RHEX: variants seen among roughly 807,000 people sequenced by gnomAD.
The protein encoded by RHEX is regulator of hemoglobinization and erythroid cell expansion protein.
In RHEX, 18 loss-of-function variants were observed where a neutral mutation model predicts 20.1. The ratio of observed to expected loss-of-function variants is 0.90; its 90% CI spans 0.62 to 1.33. The LOEUF is 1.33. Ranked by LOEUF, RHEX falls within the 40% of genes most tolerant of loss-of-function variation. The pLI, the probability that RHEX is intolerant of heterozygous loss-of-function variation, is 0.00. For synonymous variants in RHEX, 87 were observed against 77.1 expected (o/e 1.13, Z -0.67); for missense variants, 192 against 214.3 (o/e 0.90, Z 0.65).
intron 1 of RHEX, among the ~76,000 whole-genome samples, chr1:206,092,848 T>G (rs1324842403): frequency 6.6e-6 from 1 of 152,202 alleles, no homozygotes; most frequent in East Asian, 1.9e-4. Flanking sequence ...TGGAGGAGGC[T>G]GAATGTTACA....
intron 1 of RHEX, among the ~76,000 whole-genome samples, chr1:206,087,182 C>T (rs75547741): frequency 1.2e-4 from 19 of 152,322 alleles, no homozygotes; most frequent in South Asian, 4.1e-4. Flanking sequence ...CTTGTGTGGT[C>T]GCTTTGCAGT....
At chr1:206,094,611 T>C (rs1411105762) in intron 1 of RHEX, among the ~76,000 whole-genome samples, 1 of 152,234 alleles carries the variant, frequency 6.6e-6, no homozygotes, top group Non-Finnish European at 1.5e-5. Flanking sequence ...ACTGAGACAC[T>C]GAATTCAATA....
chr1:206,073,934 G>A (rs901005925), intron 1 of RHEX, among the ~76,000 whole-genome samples: 1 of 152,124 alleles, frequency 6.6e-6, no homozygotes, highest in Non-Finnish European at 1.5e-5. Context: ...CTATCTGTCG[G>A]TTAAATCCAG....
chr1:206,087,007 T>C (rs991704468), intron 1 of RHEX, among the ~76,000 whole-genome samples: 1 of 152,088 alleles, frequency 6.6e-6, no homozygotes, highest in East Asian at 1.9e-4. Flanking sequence ...AGACCCTGTC[T>C]AAAGAAAAGA....
At chr1:206,072,469 G>A (rs183445580) in intron 1 of RHEX, among the ~76,000 whole-genome samples, 3 of 152,174 alleles carry the variant, frequency 2.0e-5, no homozygotes, top group Admixed American at 6.5e-5. Flanking sequence ...CTAGCTACTC[G>A]GGAGGCTGAG....
At chr1:206,065,093 G>C (rs541793285) in intron 1 of RHEX, among the ~76,000 whole-genome samples, 1 of 152,124 alleles carries the variant, frequency 6.6e-6, no homozygotes, top group African/African-American at 2.4e-5. Flanking sequence ...CTCATTAAGA[G>C]TCATCACCAC....
chr1:206,059,824 C>G (rs1553283127), intron 1 of RHEX, among the ~76,000 whole-genome samples: 3 of 152,240 alleles, frequency 2.0e-5, no homozygotes, highest in South Asian at 4.2e-4. Context: ...AAATTCTTTC[C>G]TGGTGTGAAT....
chr1:206,102,242 A>T lies in RHEX; in HGVS notation c.*290A>T. On this transcript the variant is annotated 3_prime_UTR_variant, in exon 6 of 6. Coordinates refer to ENST00000331555, the MANE Select transcript of RHEX (RefSeq NM_001007544.4). ...AGGTTGAGATCAGATGTTAGGAAGA[A>T]CTTTCAGGTAAAGTATGAGAACTAT... 2.3e-6 allele frequency: 1 copy of T among 433,204 alleles called. No homozygotes were observed. The highest frequency in any genetic ancestry group is 4.2e-6 in the Non-Finnish European group (1 of 237,872). The allele number at this position is 433,204 out of a possible 1,614,324, so 26.8% of individuals were successfully genotyped here.
chr1:206,072,840 T>TTC (rs1553284813), intron 1 of RHEX, among the ~76,000 whole-genome samples: 1 of 149,676 alleles, frequency 6.7e-6, no homozygotes, highest in South Asian at 2.1e-4. Flanking sequence ...TTTTTTTTTT[T>TTC]TTTTTTTTTG....
intron 1 of RHEX, among the ~76,000 whole-genome samples, chr1:206,080,559 G>C (rs1553285736): frequency 6.6e-6 from 1 of 152,166 alleles, no homozygotes; most frequent in Non-Finnish European, 1.5e-5. Flanking sequence ...TCGATCAGAG[G>C]TTCCTTTTCC....
chr1:206,098,302 C>T, intron 3 of RHEX, 121 bp downstream of exon 3: 2 of 692,350 alleles, frequency 2.9e-6, no homozygotes, highest in Non-Finnish European at 5.1e-6. Context: ...AGAGGACCCA[C>T]CGGCCAAATT....
intron 1 of RHEX, among the ~76,000 whole-genome samples, chr1:206,076,380 G>A (rs904984504): frequency 2.0e-5 from 3 of 152,116 alleles, no homozygotes; most frequent in Non-Finnish European, 4.4e-5. Flanking sequence ...TGCCCAGGCT[G>A]GTCTCAAACT....
intron 1 of RHEX, among the ~76,000 whole-genome samples, chr1:206,092,278 A>G (rs900383021): frequency 6.6e-6 from 1 of 152,202 alleles, no homozygotes; most frequent in African/African-American, 2.4e-5. Context: ...GCTTAGTACT[A>G]TGTGCCAAAA....
intron 1 of RHEX, among the ~76,000 whole-genome samples, chr1:206,062,735 G>GTGCCA (rs1662331112): frequency 6.6e-6 from 1 of 152,198 alleles, no homozygotes; most frequent in Non-Finnish European, 1.5e-5. Context: ...CGGGGGAGGA[G>GTGCCA]TGCCAAGCGG....
At chr1:206,069,207 G>A (rs1662484795) in intron 1 of RHEX, among the ~76,000 whole-genome samples, 1 of 152,226 alleles carries the variant, frequency 6.6e-6, no homozygotes, top group Admixed American at 6.5e-5. Flanking sequence ...TGTCACACCT[G>A]GGTGGGGAAC....
intron 4 of RHEX, 83 bp downstream of exon 4, chr1:206,099,881 C>G: frequency 7.4e-7 from 1 of 1,342,428 alleles, no homozygotes; most frequent in Admixed American, 1.8e-5. Flanking sequence ...GCAGCAACCC[C>G]ATGGGCCCAA....
intron 1 of RHEX, among the ~76,000 whole-genome samples, chr1:206,075,489 C>CTT: frequency 6.6e-6 from 1 of 152,178 alleles, no homozygotes; most frequent in South Asian, 2.1e-4. Flanking sequence ...AGTAAAGATA[C>CTT]AGCATTAAAT....
intron 1 of RHEX, among the ~76,000 whole-genome samples, chr1:206,066,014 G>A (rs1170888493): frequency 6.6e-5 from 10 of 152,248 alleles, no homozygotes; most frequent in African/African-American, 1.7e-4. Context: ...CGGGAAGATC[G>A]CTGGCTGGAT....
Position 206,101,134 on chromosome 1 carries a change from A to G in RHEX, c.257-2A>G, listed in dbSNP as rs782676493. 1 of 1,611,804 alleles carries G rather than the reference A, an allele frequency of 6.2e-7. No individual in the cohort carries two copies. Among genetic ancestry groups the G allele is most frequent in the South Asian group, 1.1e-5 (1 of 90,742 alleles). ...AGAGGAACCGTTTCTATTTCTCCCC[A>G]GATGACAGCGACACACCCTCAGATA... On this transcript the variant is annotated splice_acceptor_variant, in intron 4 of 5. Coordinates refer to ENST00000331555, the MANE Select transcript of RHEX (RefSeq NM_001007544.4). LOFTEE classifies it high-confidence loss of function.
Sources: gnomAD v4.1 joint callset for allele counts (sites outside exome capture counted in the v4.1 genomes callset) on GRCh38, gnomAD v4.1.1 for gene constraint, MANE v1.5 for transcripts, NCBI Gene and HGNC (gene_info 2026-07-23, HGNC 2026-07-21) for gene names.